SSH2: variants seen among roughly 807,000 people sequenced by gnomAD.
SSH2 encodes the protein protein phosphatase Slingshot homolog 2.
SSH2 carries 37 observed loss-of-function variants against 135.2 expected under a neutral mutation model. That is an observed-to-expected ratio of 0.27 (90% CI 0.21 to 0.36). SSH2 has a LOEUF of 0.36. Ranked by LOEUF, SSH2 falls within the 10% of genes least tolerant of loss-of-function variation. SSH2 has a pLI of 1.00. For missense variants in SSH2, 1,408 were observed against 1,765.3 expected (o/e 0.80, Z 3.63); for synonymous variants, 628 against 646.2 (o/e 0.97, Z 0.43).
intron 2 of SSH2, among the ~76,000 whole-genome samples, chr17:29,808,557 G>A (rs1392664794): frequency 6.6e-6 from 1 of 152,194 alleles, no homozygotes; most frequent in Non-Finnish European, 1.5e-5. Context: ...ACTCATCACT[G>A]ACTATCTTAC....
chr17:29,679,523 C>T (rs750409150), intron 6 of SSH2, among the ~76,000 whole-genome samples: 1 of 152,036 alleles, frequency 6.6e-6, no homozygotes, highest in Non-Finnish European at 1.5e-5. Context: ...TCTCCTGTCT[C>T]AGCCTCCTGA....
Position 29,632,565 on chromosome 17 carries a change from G to A in SSH2, c.2629C>T (p.Leu877Phe). 1.2e-6 allele frequency: 2 copies of A among 1,614,212 alleles called. No homozygotes were observed. The highest frequency in any genetic ancestry group is 1.7e-6 in the Non-Finnish European group (2 of 1,180,044). ...EGEPAEGEQELQGSGMHPGAK... is the reference protein window; with the variant it reads ...EGEPAEGEQEFQGSGMHPGAK... Reference sequence around the variant, plus strand: ...CCTGGGTGCATCCCTGAGCCCTGGAGCTCTTGTTCCCCCTCAGCTGGTTCC... The same window carrying A: ...CCTGGGTGCATCCCTGAGCCCTGGAACTCTTGTTCCCCCTCAGCTGGTTCC... Residue 877 changes from leucine to phenylalanine, a missense_variant, in exon 16 of 16, where the codon CTC (leucine) becomes TTC (phenylalanine). By Grantham distance (22) the Leu-to-Phe change is conservative (BLOSUM62 0). This residue lies in a region of SSH2 where 1,080 missense variants were observed against 1,144.5 expected (regional missense o/e 0.94). Coordinates refer to ENST00000540801, the MANE Select transcript of SSH2 (RefSeq NM_001282129.2).
At chr17:29,892,042 C>CT (rs1019053055) in intron 1 of SSH2, among the ~76,000 whole-genome samples, 57 of 148,718 alleles carry the variant, frequency 3.8e-4, no homozygotes, top group African/African-American at 7.9e-4. Context: ...AGCCGACTTT[C>CT]TTTTTTTTTT....
chr17:29,773,206 A>G (rs930374146), intron 3 of SSH2, among the ~76,000 whole-genome samples: 2 of 152,152 alleles, frequency 1.3e-5, no homozygotes, highest in Non-Finnish European at 2.9e-5. Context: ...AAGAAAATCA[A>G]CACTGCACAC....
At chr17:29,917,571 G>T (rs553551049) in intron 1 of SSH2, among the ~76,000 whole-genome samples, 1 of 152,210 alleles carries the variant, frequency 6.6e-6, no homozygotes, top group African/African-American at 2.4e-5. Flanking sequence ...ACTAAGGCAG[G>T]AGCAGCAAAA....
At chr17:29,892,670 A>G (rs1360994123) in intron 1 of SSH2, among the ~76,000 whole-genome samples, 1 of 152,146 alleles carries the variant, frequency 6.6e-6, no homozygotes, top group African/African-American at 2.4e-5. Flanking sequence ...GACAAAAACA[A>G]TAAACATAAC....
At chr17:29,852,640 C>G (rs1239890092) in intron 1 of SSH2, among the ~76,000 whole-genome samples, 1 of 151,684 alleles carries the variant, frequency 6.6e-6, no homozygotes, top group East Asian at 1.9e-4. Context: ...CAACCTCCGC[C>G]TCCTGGGTTC....
intron 1 of SSH2, among the ~76,000 whole-genome samples, chr17:29,891,392 A>T (rs2066347282): frequency 6.6e-6 from 1 of 152,188 alleles, no homozygotes; most frequent in Non-Finnish European, 1.5e-5. Flanking sequence ...CTGCACTGTT[A>T]TCTAGACAAA....
At chr17:29,887,801 T>C (rs1169974484) in intron 1 of SSH2, among the ~76,000 whole-genome samples, 1 of 152,232 alleles carries the variant, frequency 6.6e-6, no homozygotes, top group Non-Finnish European at 1.5e-5. Context: ...ATACTAATTT[T>C]AGAAAATAAA....
intron 1 of SSH2, among the ~76,000 whole-genome samples, chr17:29,907,940 C>T (rs537211754): frequency 1.3e-3 from 193 of 151,952 alleles, no homozygotes; most frequent in South Asian, 4.8e-3. Context: ...CCCACCTCAG[C>T]CTCATGAGTA....
At chr17:29,639,116 G>C (rs973000691) in intron 14 of SSH2, among the ~76,000 whole-genome samples, 1 of 152,042 alleles carries the variant, frequency 6.6e-6, no homozygotes, top group African/African-American at 2.4e-5. Context: ...AGAATCTCTG[G>C]GTAAAAATCA....
intron 3 of SSH2, among the ~76,000 whole-genome samples, chr17:29,726,135 GA>G (rs760928167): frequency 3.9e-5 from 6 of 152,156 alleles, no homozygotes; most frequent in Non-Finnish European, 7.4e-5. Flanking sequence ...GCCCTCTCCA[GA>G]AGAGAGGGGA....
chr17:29,870,475 G>A (rs771975268), intron 1 of SSH2, among the ~76,000 whole-genome samples: 4 of 152,138 alleles, frequency 2.6e-5, no homozygotes, highest in Admixed American at 6.5e-5. Flanking sequence ...TACCCTTTAT[G>A]AGGTTTTGAC....
At chr17:29,838,946 G>A (rs1298315346) in intron 2 of SSH2, 1 of 156,006 alleles carries the variant, frequency 6.4e-6, no homozygotes, top group African/African-American at 2.4e-5. Flanking sequence ...GGCGACAATA[G>A]GGAAAGAAGA....
chr17:29,795,202 GC>G (rs1240706510), intron 2 of SSH2, among the ~76,000 whole-genome samples: 1 of 152,110 alleles, frequency 6.6e-6, no homozygotes, highest in Non-Finnish European at 1.5e-5. Context: ...AAAATACCAT[GC>G]CCAGCTGCAA....
intron 5 of SSH2, among the ~76,000 whole-genome samples, chr17:29,688,678 C>G (rs1213602343): frequency 2.0e-5 from 3 of 152,104 alleles, no homozygotes; most frequent in Non-Finnish European, 2.9e-5. Flanking sequence ...GTTGTCCAGA[C>G]TGGTCAATTT....
chr17:29,696,170 TATATAC>T (rs906976922), intron 4 of SSH2, among the ~76,000 whole-genome samples: 8 of 117,360 alleles, frequency 6.8e-5, no homozygotes, highest in African/African-American at 2.5e-4. Context: ...AGTATGTATA[TATATAC>T]ACACACACAC....
chr17:29,747,182 A>T (rs1304538029), intron 3 of SSH2, among the ~76,000 whole-genome samples: 1 of 152,212 alleles, frequency 6.6e-6, no homozygotes, highest in Non-Finnish European at 1.5e-5. Context: ...TCCTCAAACA[A>T]ACATATACAA....
At chr17:29,768,407 C>T (rs182397535) in intron 3 of SSH2, among the ~76,000 whole-genome samples, 185 of 151,402 alleles carry the variant, frequency 1.2e-3, no homozygotes, top group African/African-American at 4.3e-3. Flanking sequence ...GTTCTCCTGG[C>T]TCAACTTCCA....
Sources: allele counts gnomAD v4.1 joint callset (sites outside exome capture counted in the v4.1 genomes callset), GRCh38; gene constraint gnomAD v4.1.1; regional missense constraint gnomAD v4.1.1; transcripts MANE v1.5; gene names NCBI Gene and HGNC (gene_info 2026-07-23, HGNC 2026-07-21).